The following KLHL5 variants were observed in gnomAD, a reference collection of about 807,000 sequenced individuals.
KLHL5 encodes kelch like family member 5, also known as kelch-like protein 5.
In KLHL5, 48 loss-of-function variants were observed where a neutral mutation model predicts 77.7. The observed-to-expected ratio is 0.62, with a 90% CI of 0.49 to 0.79. The LOEUF (loss-of-function observed/expected upper bound fraction) is 0.79, where lower values mean the gene tolerates loss of function less well. Among genes scored for constraint, KLHL5 ranks in the 30% least tolerant of loss-of-function variants. The pLI is 0.00. For missense variants in KLHL5, 723 were observed against 859.7 expected (o/e 0.84, Z 1.99); for synonymous variants, 260 against 297.0 (o/e 0.88, Z 1.28).
rs2109631121 is a variant in KLHL5, at chr4:39,122,846, AT to A, written c.*1784del. On this transcript the variant is annotated 3_prime_UTR_variant, in exon 11 of 11. Coordinates refer to ENST00000504108, the MANE Select transcript of KLHL5 (RefSeq NM_015990.5). Reference sequence around the variant, plus strand: ...AAATAAAAAAAAAATAAAAGATTTCATTTTATGTGAGGAATTATTTTAATAA... The same window carrying A: ...AAATAAAAAAAAAATAAAAGATTTCATTTATGTGAGGAATTATTTTAATAA... Among the ~76,000 whole-genome samples the A allele has an allele frequency of 1.3e-5, 2 of 151,952 alleles. No homozygotes were observed. Among genetic ancestry groups the A allele is most frequent in the East Asian group, 1.9e-4 (1 of 5,164 alleles).
intron 5 of KLHL5, among the ~76,000 whole-genome samples, chr4:39,092,130 T>C (rs1720641633): frequency 6.6e-6 from 1 of 152,336 alleles, no homozygotes; most frequent in East Asian, 1.9e-4. Flanking sequence ...TTTATTCCTG[T>C]ATTATGAATG....
At chr4:39,069,451 TATATATATATATATATATATATACACAC>T (rs1482195750) in intron 1 of KLHL5, among the ~76,000 whole-genome samples, 15 of 43,362 alleles carry the variant, frequency 3.5e-4, no homozygotes, top group East Asian at 1.6e-3. Flanking sequence ...TATATATATA[TATATATATATATATATATATATACACAC>T]ACACACACAC....
Position 39,123,678 on chromosome 4 carries a change from C to G in KLHL5, c.*2612C>G, listed in dbSNP as rs1429909604. 6.6e-6 allele frequency among the ~76,000 whole-genome samples: 1 copy of G among 152,124 alleles called. No individual in the cohort carries two copies. The highest frequency in any genetic ancestry group is 1.5e-5 in the Non-Finnish European group (1 of 68,002). ...ATCCAACACCCTTTCATGGTAAAAACACTCTGCAAACTAGGAAGAAAAGGG... is the reference window on the plus strand; with the variant it reads ...ATCCAACACCCTTTCATGGTAAAAAGACTCTGCAAACTAGGAAGAAAAGGG... On this transcript the variant is annotated 3_prime_UTR_variant, in exon 11 of 11. Transcript: ENST00000504108.
At chr4:39,070,092 G>T (rs578183389) in intron 1 of KLHL5, among the ~76,000 whole-genome samples, 1 of 152,264 alleles carries the variant, frequency 6.6e-6, no homozygotes, top group African/African-American at 2.4e-5. Context: ...TTCCAAGAGT[G>T]TGATCAAACA....
At chr4:39,107,400 C>T (rs1393816621) in intron 7 of KLHL5, among the ~76,000 whole-genome samples, 169 bp from the exon 8 acceptor site, 1 of 150,040 alleles carries the variant, frequency 6.7e-6, no homozygotes, top group African/African-American at 2.5e-5. Context: ...CCCACCCACC[C>T]ACCCACCGAC....
intron 10 of KLHL5, chr4:39,120,408 G>A (rs1723131616): frequency 6.6e-6 from 1 of 152,206 alleles, no homozygotes; most frequent in South Asian, 2.1e-4. Context: ...CTCATTCACT[G>A]AGTTTGTTTC....
the KLHL5 span, among the ~76,000 whole-genome samples, chr4:39,141,348 G>A: frequency 2.0e-4 from 20 of 102,100 alleles, 1 homozygote; most frequent in East Asian, 6.1e-3. Context: ...TCGCTTTGTT[G>A]CCCAGGCTGG....
intron 5 of KLHL5, among the ~76,000 whole-genome samples, chr4:39,091,133 C>G (rs916609616): frequency 6.6e-6 from 1 of 151,776 alleles, no homozygotes; most frequent in Non-Finnish European, 1.5e-5. Context: ...GGATTACAGG[C>G]GCATGCCACT....
intron 2 of KLHL5, among the ~76,000 whole-genome samples, chr4:39,079,816 ATTTG>A (rs1295010294): frequency 6.6e-6 from 1 of 152,200 alleles, no homozygotes; most frequent in Admixed American, 6.5e-5. Flanking sequence ...ACACATCAGT[ATTTG>A]TTCATTAAAT....
intron 5 of KLHL5, among the ~76,000 whole-genome samples, chr4:39,093,804 G>C (rs1720810504): frequency 6.6e-6 from 1 of 152,002 alleles, no homozygotes; most frequent in Admixed American, 6.5e-5. Context: ...TACTGAGGAG[G>C]CTGAGGCAGG....
At chr4:39,100,149 GC>G (rs2109494509) in intron 6 of KLHL5, among the ~76,000 whole-genome samples, 1 of 152,216 alleles carries the variant, frequency 6.6e-6, no homozygotes, top group African/African-American at 2.4e-5. Context: ...TTGGTACATG[GC>G]AAGGAAAATG....
intron 10 of KLHL5, chr4:39,116,271 T>C (rs989300449): frequency 2.6e-5 from 4 of 152,556 alleles, no homozygotes; most frequent in African/African-American, 9.7e-5. Context: ...AGGCAGAGGT[T>C]GCAGTGAGCA....
At chr4:39,056,708 G>A (rs1717032215) in intron 1 of KLHL5, among the ~76,000 whole-genome samples, 2 of 152,122 alleles carry the variant, frequency 1.3e-5, no homozygotes, top group Non-Finnish European at 2.9e-5. Context: ...CTGTTTGATT[G>A]CTTGATATAT....
intron 1 of KLHL5, among the ~76,000 whole-genome samples, chr4:39,048,796 A>G (rs376692264): frequency 9.1e-4 from 138 of 151,840 alleles, no homozygotes; most frequent in African/African-American, 3.2e-3. Flanking sequence ...GGCGCCCACC[A>G]CCATGCCTGG....
At chr4:39,055,065 A>T (rs1716913887) in intron 1 of KLHL5, among the ~76,000 whole-genome samples, 1 of 152,258 alleles carries the variant, frequency 6.6e-6, no homozygotes, top group South Asian at 2.1e-4. Flanking sequence ...GAGTTATTTT[A>T]AAAATTCTAT....
intron 2 of KLHL5, among the ~76,000 whole-genome samples, chr4:39,079,218 C>G (rs1048379069): frequency 1.3e-5 from 2 of 152,224 alleles, no homozygotes; most frequent in African/African-American, 4.8e-5. Context: ...TGCCTCCACT[C>G]TTTGCCCCTA....
At chr4:39,080,982 T>G (rs1463588105) in intron 2 of KLHL5, 121 bp from the exon 3 acceptor site, 1 of 920,346 alleles carries the variant, frequency 1.1e-6, no homozygotes, top group African/African-American at 1.7e-5. Flanking sequence ...TTGTCAAGCT[T>G]AAAATGCATT....
intron 5 of KLHL5, among the ~76,000 whole-genome samples, chr4:39,087,640 A>G (rs1015149857): frequency 6.6e-6 from 1 of 152,202 alleles, no homozygotes; most frequent in African/African-American, 2.4e-5. Flanking sequence ...GCAATCAGTC[A>G]TAACATTTAC....
chr4:39,067,321 A>T lies in KLHL5; in HGVS notation c.383+4286A>T, dbSNP rs1347173550. On this transcript the variant is annotated intron_variant, in intron 1 of 10. Coordinates refer to ENST00000504108, the MANE Select transcript of KLHL5 (RefSeq NM_015990.5). ...GTTTTCCCATAATTAGACTGAGGTT[A>T]TGGGCTTTGGGGAGGAATATCACAG... is the stretch of plus-strand genomic sequence containing the variant. Among the ~76,000 whole-genome samples the T allele has an allele frequency of 2.0e-5, 3 of 152,276 alleles. No individual in the cohort carries two copies. In the South Asian group the frequency reaches 6.2e-4, roughly 32 times the overall value.
Sources: allele counts gnomAD v4.1 joint callset (sites outside exome capture counted in the v4.1 genomes callset), GRCh38; gene constraint gnomAD v4.1.1; transcripts MANE v1.5; gene names NCBI Gene and HGNC (gene_info 2026-07-23, HGNC 2026-07-21).